The following PACS1 variants were observed in gnomAD, a reference collection of about 807,000 sequenced individuals.
PACS1 encodes phosphofurin acidic cluster sorting protein 1, also known as PACS-1.
A neutral mutation model predicts 115.0 loss-of-function variants in PACS1; 24 were observed. That is an observed-to-expected ratio of 0.21 (90% CI 0.15 to 0.29). PACS1 has a LOEUF of 0.29. Among genes scored for constraint, PACS1 ranks in the 10% least tolerant of loss-of-function variants. The probability of loss-of-function intolerance (pLI) is 1.00; values close to 1 mark genes in which losing one functional copy is unlikely to be tolerated. For missense variants in PACS1, 838 were observed against 1,251.2 expected, an observed-to-expected ratio of 0.67 and a Z score of 4.98; for synonymous variants, 453 against 504.5, an observed-to-expected ratio of 0.90 and a Z score of 1.37.
intron 1 of PACS1, among the ~76,000 whole-genome samples, chr11:66,133,463 G>C (rs548384421): frequency 6.6e-6 from 1 of 152,280 alleles, no homozygotes; most frequent in Non-Finnish European, 1.5e-5. Flanking sequence ...CAGGTCACTG[G>C]AACAGCTGAT....
In PACS1 at chr11:66,149,090, CTTTTTTTTT is replaced by C. The variant is rs10717909; in HGVS notation, c.357-44382_357-44374del. On this transcript the variant is annotated intron_variant, in intron 1 of 23. Coordinates refer to ENST00000320580, the MANE Select transcript of PACS1 (RefSeq NM_018026.4). Reference sequence around the variant, plus strand: ...GTGAGCATGTGCACATGCACACGCACTTTTTTTTTTTTTTTTTTTTTTGAGATAGAGTCT... The same window carrying C: ...GTGAGCATGTGCACATGCACACGCACTTTTTTTTTTTTTGAGATAGAGTCT... 2.4e-3 allele frequency among the ~76,000 whole-genome samples: 239 copies of C among 98,142 alleles called. 3 individuals carry two copies. Among genetic ancestry groups the C allele is most frequent in the African/African-American group, 9.0e-3 (228 of 25,344 alleles). 64.4% of individuals were successfully genotyped at this position (98,142 alleles called of 152,430 possible). A position where few individuals can be genotyped will look rare whatever the true frequency, so the allele number is the denominator to read the frequency against.
In PACS1 at chr11:66,202,523, G is replaced by A. The variant is rs138786128; in HGVS notation, c.445-7839G>A. Reference sequence around the variant, plus strand: ...CCCAGGGATGTGCAAGGATGGTTCAGCATACACAAATCAATTAATGTGATA... The same window carrying A: ...CCCAGGGATGTGCAAGGATGGTTCAACATACACAAATCAATTAATGTGATA... On this transcript the variant is annotated intron_variant, in intron 2 of 23. Coordinates refer to ENST00000320580, the MANE Select transcript of PACS1 (RefSeq NM_018026.4). Among the ~76,000 whole-genome samples, 560 of 151,708 alleles carry A rather than the reference G, an allele frequency of 3.7e-3. 5 individuals carry two copies. Among genetic ancestry groups the A allele is most frequent in the African/African-American group, 0.013 (537 of 41,326 alleles).
chr11:66,099,254 C>T (rs986051202), intron 1 of PACS1, among the ~76,000 whole-genome samples: 17 of 152,120 alleles, frequency 1.1e-4, no homozygotes, highest in African/African-American at 3.1e-4. Flanking sequence ...GACAGAGTGT[C>T]GCTCTGTCGC....
chr11:66,217,537 G>C (rs758672356), intron 7 of PACS1: 120 of 456,084 alleles, frequency 2.6e-4, no homozygotes, highest in Middle Eastern at 3.2e-4. Context: ...AAACCCCTGA[G>C]AGCCGAGATG....
chr11:66,154,509 C>A (rs1341358007), intron 1 of PACS1, among the ~76,000 whole-genome samples: 2 of 152,116 alleles, frequency 1.3e-5, no homozygotes, highest in Non-Finnish European at 2.9e-5. Flanking sequence ...GATCTCACTA[C>A]TGTAAGAATA....
intron 1 of PACS1, among the ~76,000 whole-genome samples, chr11:66,076,645 G>A (rs540835646): frequency 3.9e-5 from 6 of 152,218 alleles, no homozygotes; most frequent in South Asian, 2.1e-4. Context: ...CGGCGGCCTC[G>A]GCCTCCCAAA....
chr11:66,183,542 A>G (rs1256470721), intron 1 of PACS1, among the ~76,000 whole-genome samples: 2 of 152,204 alleles, frequency 1.3e-5, no homozygotes, highest in Non-Finnish European at 2.9e-5. Flanking sequence ...AATCCAGGTC[A>G]CTTGTCTTCT....
chr11:66,089,871 T>C (rs1313151601), intron 1 of PACS1, among the ~76,000 whole-genome samples: 1 of 151,994 alleles, frequency 6.6e-6, no homozygotes, highest in South Asian at 2.1e-4. Context: ...CTGGGTGTGG[T>C]GGCGGGCACC....
At chr11:66,107,245 C>T (rs1858069432) in intron 1 of PACS1, among the ~76,000 whole-genome samples, 1 of 152,176 alleles carries the variant, frequency 6.6e-6, no homozygotes, top group African/African-American at 2.4e-5. Flanking sequence ...CAATTATGAT[C>T]TGCCTTGGTC....
chr11:66,079,693 G>C (rs776533032), intron 1 of PACS1, among the ~76,000 whole-genome samples: 1 of 152,116 alleles, frequency 6.6e-6, no homozygotes, highest in Admixed American at 6.6e-5. Flanking sequence ...GATATGTGCC[G>C]CAAGCAAAAT....
intron 1 of PACS1, among the ~76,000 whole-genome samples, chr11:66,127,449 A>AT (rs1565116857): frequency 1.3e-5 from 2 of 152,194 alleles, no homozygotes; most frequent in Non-Finnish European, 2.9e-5. Flanking sequence ...CTTAGCAGAG[A>AT]ACCGCCTGGT....
intron 1 of PACS1, among the ~76,000 whole-genome samples, chr11:66,118,081 A>G (rs1003097462): frequency 3.3e-5 from 5 of 152,204 alleles, no homozygotes; most frequent in African/African-American, 9.7e-5. Flanking sequence ...TTTTAAACGT[A>G]TGTTTGGATT....
At chr11:66,234,320 G>T (rs1855663712) in intron 17 of PACS1, 78 bp downstream of exon 17, 1 of 908,514 alleles carries the variant, frequency 1.1e-6, no homozygotes, top group South Asian at 1.3e-5. Flanking sequence ...GGAGGCTGAG[G>T]TCATGCTGCT....
At chr11:66,181,601 C>T (rs1469231266) in intron 1 of PACS1, among the ~76,000 whole-genome samples, 1 of 152,098 alleles carries the variant, frequency 6.6e-6, no homozygotes, top group Non-Finnish European at 1.5e-5. Flanking sequence ...CTTATTTGTT[C>T]TTTTGAGCTT....
At chr11:66,185,181 C>A in intron 1 of PACS1, among the ~76,000 whole-genome samples, 1 of 152,098 alleles carries the variant, frequency 6.6e-6, no homozygotes, top group East Asian at 1.9e-4. Flanking sequence ...GACCAAGATT[C>A]GTTGTTTTGT....
intron 1 of PACS1, among the ~76,000 whole-genome samples, chr11:66,123,604 C>G (rs1008658729): frequency 2.0e-5 from 3 of 152,030 alleles, no homozygotes; most frequent in Non-Finnish European, 4.4e-5. Flanking sequence ...TCACTGCAAG[C>G]TCCACCTACC....
chr11:66,215,951 A>C (rs992888882), intron 4 of PACS1, among the ~76,000 whole-genome samples, 168 bp from the exon 5 acceptor site: 4 of 138,490 alleles, frequency 2.9e-5, no homozygotes, highest in African/African-American at 8.9e-5. Context: ...TAATAATAAT[A>C]AACAAAGTAA....
chr11:66,081,806 T>C (rs1367937609), intron 1 of PACS1, among the ~76,000 whole-genome samples: 1 of 152,230 alleles, frequency 6.6e-6, no homozygotes, highest in Non-Finnish European at 1.5e-5. Flanking sequence ...TTGCCATTTG[T>C]CACCGGTGAA....
intron 1 of PACS1, among the ~76,000 whole-genome samples, chr11:66,160,490 G>A (rs1452769117): frequency 2.0e-5 from 3 of 151,952 alleles, no homozygotes; most frequent in Non-Finnish European, 4.4e-5. Context: ...TATAGGAAAT[G>A]TGGGATATAT....
Sources: gnomAD v4.1 joint callset for allele counts (sites outside exome capture counted in the v4.1 genomes callset) on GRCh38, gnomAD v4.1.1 for gene constraint, MANE v1.5 for transcripts, NCBI Gene and HGNC (gene_info 2026-07-23, HGNC 2026-07-21) for gene names.